Variants in MTHFD1L observed in about 807,000 individuals in gnomAD.
MTHFD1L encodes monofunctional C1-tetrahydrofolate synthase, mitochondrial.
MTHFD1L carries 81 observed loss-of-function variants against 119.5 expected under a neutral mutation model. That is an observed-to-expected ratio of 0.68 (90% CI 0.57 to 0.82). The LOEUF (loss-of-function observed/expected upper bound fraction) is 0.82, where lower values mean the gene tolerates loss of function less well. Ranked by LOEUF, MTHFD1L falls within the 40% of genes least tolerant of loss-of-function variation. MTHFD1L has a pLI of 0.00. For missense variants in MTHFD1L, 1,125 were observed against 1,253.4 expected, an observed-to-expected ratio of 0.90 and a Z score of 1.55; for synonymous variants, 430 against 475.2, an observed-to-expected ratio of 0.90 and a Z score of 1.24.
At chr6:151,089,131 G>A (rs1013534365) in intron 26 of MTHFD1L, among the ~76,000 whole-genome samples, 1 of 152,196 alleles carries the variant, frequency 6.6e-6, no homozygotes, top group African/African-American at 2.4e-5. Context: ...AGCAGCAGCA[G>A]CCATAGAGTC....
At chr6:151,012,124 A>G (rs963742454) in intron 21 of MTHFD1L, among the ~76,000 whole-genome samples, 2 of 149,006 alleles carry the variant, frequency 1.3e-5, no homozygotes, top group African/African-American at 5.0e-5. Flanking sequence ...TCTGCCTCAC[A>G]TTGTTTCATG....
At chr6:151,027,527 AG>A (rs1408751213) in intron 24 of MTHFD1L, among the ~76,000 whole-genome samples, 5 of 152,220 alleles carry the variant, frequency 3.3e-5, no homozygotes, top group Non-Finnish European at 7.3e-5. Flanking sequence ...ATGCATAAAC[AG>A]TCATAAATTG....
At chr6:151,073,445 C>G (rs963282964) in intron 26 of MTHFD1L, among the ~76,000 whole-genome samples, 8 of 152,098 alleles carry the variant, frequency 5.3e-5, no homozygotes, top group African/African-American at 1.9e-4. Context: ...GACATCCAAT[C>G]CAAAATTAGC....
chr6:150,982,978 G>C (rs1321028516), intron 20 of MTHFD1L, among the ~76,000 whole-genome samples: 1 of 152,138 alleles, frequency 6.6e-6, no homozygotes, highest in African/African-American at 2.4e-5. Flanking sequence ...GGGATTACAG[G>C]CATGAGCCAC....
intron 20 of MTHFD1L, among the ~76,000 whole-genome samples, chr6:150,987,118 A>G (rs771870496): frequency 3.5e-4 from 54 of 152,324 alleles, no homozygotes; most frequent in African/African-American, 1.1e-3. Flanking sequence ...AAATGTTTCA[A>G]TTTTGCAAAA....
intron 17 of MTHFD1L, among the ~76,000 whole-genome samples, chr6:150,957,319 A>G (rs1256649704): frequency 6.6e-6 from 1 of 152,236 alleles, no homozygotes; most frequent in Non-Finnish European, 1.5e-5. Flanking sequence ...CTGCAAATTG[A>G]AACAATGGAG....
chr6:151,053,943 T>C (rs1210935474), intron 26 of MTHFD1L, among the ~76,000 whole-genome samples: 1 of 152,214 alleles, frequency 6.6e-6, no homozygotes. Context: ...TGACTTTTTG[T>C]TAAAGCTGGT....
chr6:150,957,346 G>A (rs902514247), intron 17 of MTHFD1L, among the ~76,000 whole-genome samples: 1 of 152,126 alleles, frequency 6.6e-6, no homozygotes, highest in Non-Finnish European at 1.5e-5. Context: ...TTACCTAGGA[G>A]CTTGTCAAGT....
intron 8 of MTHFD1L, among the ~76,000 whole-genome samples, chr6:150,915,506 T>G (rs766685435): frequency 6.6e-5 from 10 of 152,246 alleles, no homozygotes; most frequent in Non-Finnish European, 1.0e-4. Flanking sequence ...TGAAATATTC[T>G]TCACTCGCAA....
At chr6:150,940,036 G>A (rs536709611) in intron 13 of MTHFD1L, among the ~76,000 whole-genome samples, 1 of 152,126 alleles carries the variant, frequency 6.6e-6, no homozygotes, top group South Asian at 2.1e-4. Context: ...TCCCATGCCT[G>A]GAACATTCTT....
At chr6:151,013,498 A>G (rs1782585314) in intron 21 of MTHFD1L, among the ~76,000 whole-genome samples, 1 of 152,232 alleles carries the variant, frequency 6.6e-6, no homozygotes, top group South Asian at 2.1e-4. Flanking sequence ...CCATTGGCTC[A>G]AATTAGAATC....
At chr6:150,962,027 T>C (rs1796517414) in intron 18 of MTHFD1L, among the ~76,000 whole-genome samples, 1 of 152,204 alleles carries the variant, frequency 6.6e-6, no homozygotes, top group African/African-American at 2.4e-5. Context: ...TTCGCTCTTG[T>C]TGCCCAGGCT....
At chr6:151,078,354 A>T (rs1792792708) in intron 26 of MTHFD1L, among the ~76,000 whole-genome samples, 1 of 152,112 alleles carries the variant, frequency 6.6e-6, no homozygotes, top group African/African-American at 2.4e-5. Context: ...AGGTAGGAGA[A>T]TTGCAAGTAA....
chr6:150,907,912 T>TG lies in MTHFD1L; in HGVS notation c.892+2151_892+2152insG, dbSNP rs1239045602. ...GCTCTGTGAAATTTTTTTTTTTTTT[T>TG]TGGAGACAGAGTCTTGCTCTGTCAC... On this transcript the variant is annotated intron_variant, in intron 8 of 27. Transcript: ENST00000367321. Among the ~76,000 whole-genome samples, 5 of 151,660 alleles carry TG rather than the reference T, an allele frequency of 3.3e-5. No individual in the cohort carries two copies. The East Asian group carries it at 7.8e-4, about 24-fold the overall frequency.
intron 10 of MTHFD1L, 54 bp downstream of exon 10, chr6:150,922,356 C>G (rs1789107446): frequency 7.7e-6 from 11 of 1,429,052 alleles, no homozygotes. Context: ...TGCCTTAGCC[C>G]TAGTTAGTCA....
chr6:150,873,984 T>G (rs1051576595), intron 1 of MTHFD1L, among the ~76,000 whole-genome samples: 1 of 152,074 alleles, frequency 6.6e-6, no homozygotes, highest in African/African-American at 2.4e-5. Flanking sequence ...AACCTTTACT[T>G]TTACCAAACT....
chr6:151,079,489 C>T (rs953332091), intron 26 of MTHFD1L, among the ~76,000 whole-genome samples: 1 of 151,956 alleles, frequency 6.6e-6, no homozygotes, highest in African/African-American at 2.4e-5. Flanking sequence ...TGGAGTTTCA[C>T]TCTTGTTGCC....
At position 151,092,464 on chromosome 6, in the gene MTHFD1L, C is replaced by G. The variant is rs371496488; in HGVS notation, c.2848-3C>G. The stretch of plus-strand genomic sequence containing the variant: ...ATCTGTAACGCTTGGTTTTCTCCCC[C>G]AGATGAGCACCATGCCAGGACTGCC... On this transcript the variant is annotated splice_polypyrimidine_tract_variant and splice_region_variant and intron_variant, in intron 26 of 27. Coordinates refer to ENST00000367321, the MANE Select transcript of MTHFD1L (RefSeq NM_015440.5). The G allele has an allele frequency of 3.7e-6, 6 of 1,609,106 alleles. No homozygotes were observed. The highest frequency in any genetic ancestry group is 3.3e-5 in the South Asian group (3 of 89,564).
chr6:150,922,348 C>A, intron 10 of MTHFD1L, 46 bp downstream of exon 10: 2 of 1,491,516 alleles, frequency 1.3e-6, no homozygotes, highest in Non-Finnish European at 1.9e-6. Context: ...CAGCACAGTG[C>A]CTTAGCCCTA....
Sources: gnomAD v4.1 joint callset for allele counts (sites outside exome capture counted in the v4.1 genomes callset) on GRCh38, gnomAD v4.1.1 for gene constraint, MANE v1.5 for transcripts, NCBI Gene and HGNC (gene_info 2026-07-23, HGNC 2026-07-21) for gene names.